Variants in CSMD3 observed in about 807,000 individuals in gnomAD.
CSMD3 encodes the protein CUB and Sushi multiple domains 3.
In CSMD3, 177 loss-of-function variants were observed where a neutral mutation model predicts 435.2. The ratio of observed to expected loss-of-function variants is 0.41; its 90% CI spans 0.36 to 0.46. The LOEUF (loss-of-function observed/expected upper bound fraction) is 0.46, where lower values mean the gene tolerates loss of function less well. Among genes scored for constraint, CSMD3 ranks in the 20% least tolerant of loss-of-function variants. The pLI is 0.34. For missense variants in CSMD3, 4,265 were observed against 4,504.6 expected (o/e 0.95, Z 1.52); for synonymous variants, 1,656 against 1,520.5 (o/e 1.09, Z -2.07).
intron 9 of CSMD3, among the ~76,000 whole-genome samples, chr8:112,932,692 G>A (rs542063056): frequency 1.1e-4 from 17 of 152,148 alleles, no homozygotes; most frequent in Admixed American, 3.9e-4. Flanking sequence ...GTGTGTGTGC[G>A]TGGGAGGGGG....
intron 1 of CSMD3, among the ~76,000 whole-genome samples, chr8:113,418,331 T>C (rs1309417948): frequency 1.3e-5 from 2 of 152,146 alleles, no homozygotes; most frequent in Non-Finnish European, 2.9e-5. Context: ...TGCACATATC[T>C]TTTAAACTAG....
chr8:112,636,045 G>A (rs936279502), intron 22 of CSMD3, among the ~76,000 whole-genome samples: 6 of 152,092 alleles, frequency 3.9e-5, no homozygotes, highest in Non-Finnish European at 7.4e-5. Context: ...ATCATAAGAT[G>A]TACTGATAAT....
intron 17 of CSMD3, among the ~76,000 whole-genome samples, chr8:112,660,657 C>G (rs555438682): frequency 6.6e-6 from 1 of 151,952 alleles, no homozygotes; most frequent in African/African-American, 2.4e-5. Context: ...CTAAAAGGAG[C>G]GTTTATTTCA....
At chr8:113,111,524 A>G (rs1192006612) in intron 4 of CSMD3, among the ~76,000 whole-genome samples, 1 of 151,908 alleles carries the variant, frequency 6.6e-6, no homozygotes, top group Non-Finnish European at 1.5e-5. Flanking sequence ...CACCAATCTT[A>G]TTCACATTTC....
At chr8:113,254,763 T>TTGGAAATTC (rs1328729233) in intron 3 of CSMD3, among the ~76,000 whole-genome samples, 2 of 152,190 alleles carry the variant, frequency 1.3e-5, no homozygotes, top group Non-Finnish European at 2.9e-5. Context: ...ATAAAAATTG[T>TTGGAAATTC]TGGAAATTCT....
intron 3 of CSMD3, among the ~76,000 whole-genome samples, chr8:113,186,290 A>G (rs2092500520): frequency 6.6e-6 from 1 of 151,926 alleles, no homozygotes; most frequent in Admixed American, 6.6e-5. Flanking sequence ...ATTGGCCACT[A>G]CCCACAAGTC....
At chr8:113,434,003 C>T (rs1209091388) in intron 1 of CSMD3, among the ~76,000 whole-genome samples, 1 of 152,210 alleles carries the variant, frequency 6.6e-6, no homozygotes, top group East Asian at 1.9e-4. Context: ...TTTCACATGA[C>T]AGTGGAAATG....
intron 4 of CSMD3, among the ~76,000 whole-genome samples, chr8:113,147,285 T>C (rs1349410373): frequency 3.3e-5 from 5 of 151,662 alleles, no homozygotes; most frequent in Admixed American, 2.6e-4. Context: ...TAAAGAAATA[T>C]AAGACATAGA....
chr8:112,962,812 TCTC>T (rs898563241), intron 7 of CSMD3, among the ~76,000 whole-genome samples: 4 of 151,898 alleles, frequency 2.6e-5, no homozygotes, highest in East Asian at 1.9e-4. Context: ...TTCTCCCTAT[TCTC>T]CTCCTTGTTC....
At chr8:112,410,618 ATATATATGTG>A (rs1406499217) in intron 32 of CSMD3, among the ~76,000 whole-genome samples, 725 of 62,068 alleles carry the variant, frequency 0.012, 24 homozygotes, top group Middle Eastern at 0.025. Context: ...ATATATATGT[ATATATATGTG>A]TATATATATG....
At chr8:112,683,361 T>C (rs569468002) in intron 15 of CSMD3, among the ~76,000 whole-genome samples, 1 of 151,980 alleles carries the variant, frequency 6.6e-6, no homozygotes, top group African/African-American at 2.4e-5. Context: ...AGGATTGAAA[T>C]GTATCCCCTG....
intron 2 of CSMD3, among the ~76,000 whole-genome samples, chr8:113,298,819 TAG>T (rs2093741432): frequency 6.6e-6 from 1 of 152,026 alleles, no homozygotes; most frequent in African/African-American, 2.4e-5. Flanking sequence ...TAGCAAACAG[TAG>T]AGACTGAGGA....
intron 16 of CSMD3, among the ~76,000 whole-genome samples, chr8:112,678,153 G>A (rs1302132243): frequency 1.3e-5 from 2 of 152,114 alleles, no homozygotes; most frequent in African/African-American, 4.8e-5. Context: ...CTCCTGTTAA[G>A]CATTTGAGAT....
chr8:113,034,542 G>C (rs2087257137), intron 5 of CSMD3, among the ~76,000 whole-genome samples: 1 of 152,118 alleles, frequency 6.6e-6, no homozygotes, highest in South Asian at 2.1e-4. Flanking sequence ...GTTGGTGGTG[G>C]AGATGGGGAG....
chr8:112,750,031 C>G (rs976512911), intron 13 of CSMD3, among the ~76,000 whole-genome samples: 32 of 151,962 alleles, frequency 2.1e-4, no homozygotes, highest in African/African-American at 7.7e-4. Context: ...GGAGGAAACC[C>G]CCTGACAATA....
intron 27 of CSMD3, among the ~76,000 whole-genome samples, chr8:112,540,719 C>CAAATATATA (rs2131135536): frequency 6.6e-6 from 1 of 151,870 alleles, no homozygotes; most frequent in African/African-American, 2.4e-5. Flanking sequence ...TATATGGGGG[C>CAAATATATA]TAACAAAAAA....
intron 18 of CSMD3, among the ~76,000 whole-genome samples, chr8:112,652,610 G>T (rs1475895523): frequency 6.6e-6 from 1 of 152,046 alleles, no homozygotes; most frequent in East Asian, 1.9e-4. Context: ...TTCCACTGTG[G>T]TGCATTGATC....
intron 1 of CSMD3, among the ~76,000 whole-genome samples, chr8:113,381,138 TG>T (rs905597336): frequency 3.3e-5 from 5 of 152,316 alleles, no homozygotes; most frequent in African/African-American, 1.2e-4. Context: ...TTTCTTTATT[TG>T]ACAAAACTGG....
At chr8:113,395,073 T>A (rs1485344378) in intron 1 of CSMD3, among the ~76,000 whole-genome samples, 1 of 143,094 alleles carries the variant, frequency 7.0e-6, no homozygotes, top group East Asian at 2.3e-4. Context: ...CGTGATACTG[T>A]TTTAGTGACT....
Sources: gnomAD v4.1 joint callset for allele counts (sites outside exome capture counted in the v4.1 genomes callset) on GRCh38, gnomAD v4.1.1 for gene constraint, MANE v1.5 for transcripts, NCBI Gene and HGNC (gene_info 2026-07-23, HGNC 2026-07-21) for gene names.